The following RTN1 variants were observed in gnomAD, a reference collection of about 807,000 sequenced individuals.
RTN1 encodes reticulon-1.
A neutral mutation model predicts 65.5 loss-of-function variants in RTN1; 25 were observed. The ratio of observed to expected loss-of-function variants is 0.38; its 90% CI spans 0.28 to 0.53. The LOEUF is 0.53. Among genes scored for constraint, RTN1 ranks in the 20% least tolerant of loss-of-function variants. The pLI, the probability that RTN1 is intolerant of heterozygous loss-of-function variation, is 0.79. For missense variants in RTN1, 983 were observed against 1,025.4 expected, an observed-to-expected ratio of 0.96 and a Z score of 0.57; for synonymous variants, 471 against 447.6, an observed-to-expected ratio of 1.05 and a Z score of -0.66.
intron 3 of RTN1, among the ~76,000 whole-genome samples, chr14:59,611,257 GCCC>G (rs35940821): frequency 0.018 from 2,783 of 152,232 alleles, 68 homozygotes; most frequent in African/African-American, 0.054. Context: ...TGGTTCAATG[GCCC>G]CCCTCCAGTG....
In RTN1 at chr14:59,672,978, A is replaced by G. The variant is rs182597534; in HGVS notation, c.1765+53941T>C. Reference sequence around the variant, plus strand: ...TTTGCCTTGACTTCTTTGGTTAACTAGGAAGCTCAAAGTGAAATAATTTAC... The same window carrying G: ...TTTGCCTTGACTTCTTTGGTTAACTGGGAAGCTCAAAGTGAAATAATTTAC... On this transcript the variant is annotated intron_variant, in intron 3 of 8. Coordinates refer to ENST00000267484, the MANE Select transcript of RTN1 (RefSeq NM_021136.3). Among the ~76,000 whole-genome samples the G allele has an allele frequency of 2.3e-3, 350 of 152,304 alleles. 5 individuals are homozygous for G. The highest frequency in any genetic ancestry group is 1.3e-3 in the Non-Finnish European group (90 of 68,018).
At chr14:59,616,791 T>C (rs1882114084) in intron 3 of RTN1, among the ~76,000 whole-genome samples, 1 of 152,258 alleles carries the variant, frequency 6.6e-6, no homozygotes, top group East Asian at 1.9e-4. Flanking sequence ...TCAAATAACT[T>C]TAAAAATTGT....
intron 3 of RTN1, among the ~76,000 whole-genome samples, chr14:59,724,595 T>C (rs1331089493): frequency 6.6e-6 from 1 of 152,060 alleles, no homozygotes; most frequent in East Asian, 1.9e-4. Context: ...CTGGGCGTGG[T>C]GGCTCACGCC....
chr14:59,808,442 C>G (rs1886673892), intron 1 of RTN1, among the ~76,000 whole-genome samples: 1 of 152,202 alleles, frequency 6.6e-6, no homozygotes, highest in South Asian at 2.1e-4. Flanking sequence ...TCTCTTTAAA[C>G]TAGATTCTGA....
chr14:59,637,979 GT>G (rs1447886538), intron 3 of RTN1, among the ~76,000 whole-genome samples: 1 of 151,820 alleles, frequency 6.6e-6, no homozygotes, highest in Non-Finnish European at 1.5e-5. Context: ...AGCCTCCCAA[GT>G]TGCTGGGACT....
chr14:59,658,902 T>C (rs1243445724), intron 3 of RTN1, among the ~76,000 whole-genome samples: 2 of 152,048 alleles, frequency 1.3e-5, no homozygotes, highest in African/African-American at 4.8e-5. Flanking sequence ...TTGACAGAAG[T>C]AGGCTTCAGA....
At chr14:59,773,799 A>G (rs755483815) in intron 1 of RTN1, among the ~76,000 whole-genome samples, 4 of 152,124 alleles carry the variant, frequency 2.6e-5, no homozygotes, top group Admixed American at 6.6e-5. Flanking sequence ...CCTGGTTTCT[A>G]TCATCTCATT....
intron 3 of RTN1, among the ~76,000 whole-genome samples, chr14:59,694,046 A>G (rs1035665700): frequency 9.2e-5 from 14 of 152,202 alleles, no homozygotes; most frequent in African/African-American, 3.1e-4. Context: ...AAGGAGATGT[A>G]TCTGAAAAAA....
chr14:59,720,280 T>C (rs1001369659), intron 3 of RTN1, among the ~76,000 whole-genome samples: 7 of 151,780 alleles, frequency 4.6e-5, no homozygotes, highest in Non-Finnish European at 2.9e-5. Context: ...CGATATGCAA[T>C]TGGAACACTG....
At chr14:59,754,665 A>G (rs1028747154) in intron 1 of RTN1, among the ~76,000 whole-genome samples, 1 of 152,224 alleles carries the variant, frequency 6.6e-6, no homozygotes, top group African/African-American at 2.4e-5. Context: ...AACACACTCA[A>G]TAAATGAGAG....
intron 3 of RTN1, among the ~76,000 whole-genome samples, chr14:59,649,089 T>G (rs1046091398): frequency 6.6e-6 from 1 of 152,082 alleles, no homozygotes; most frequent in Non-Finnish European, 1.5e-5. Context: ...AACAGAGGCC[T>G]CAGAAATAAT....
At chr14:59,784,131 T>C (rs1427223817) in intron 1 of RTN1, among the ~76,000 whole-genome samples, 2 of 152,180 alleles carry the variant, frequency 1.3e-5, no homozygotes, top group Non-Finnish European at 2.9e-5. Flanking sequence ...ATCTTGTCTT[T>C]ATGTTTTAAA....
intron 1 of RTN1, among the ~76,000 whole-genome samples, chr14:59,851,040 G>A (rs377397180): frequency 3.3e-5 from 5 of 152,002 alleles, no homozygotes; most frequent in African/African-American, 1.2e-4. Context: ...GTCATTCATA[G>A]AAAAAACAAA....
intron 3 of RTN1, among the ~76,000 whole-genome samples, chr14:59,668,235 G>A (rs1190318939): frequency 9.2e-5 from 14 of 152,132 alleles, no homozygotes; most frequent in African/African-American, 3.1e-4. Flanking sequence ...AAGACAGCAT[G>A]GTACTGGTAC....
At position 59,726,983 on chromosome 14, in the gene RTN1, T is replaced by A. The variant is rs764438081; in HGVS notation, c.1701A>T (p.Thr567=). ...CAGGACCTAGAGGCCCAGGGCCCTTTGTGGCCGCAGGACTTTGGTTGGAAC... is the reference window on the plus strand; with the variant it reads ...CAGGACCTAGAGGCCCAGGGCCCTTAGTGGCCGCAGGACTTTGGTTGGAAC... ...DSSSNQSPAA[T]KGPGPLGPGA... Residue 567 remains threonine (T), a synonymous_variant, in exon 3 of 9, where the codon ACA becomes ACT. Coordinates refer to ENST00000267484, the MANE Select transcript of RTN1 (RefSeq NM_021136.3). 1.2e-6 allele frequency: 2 copies of A among 1,613,448 alleles called. No homozygotes were observed. Among genetic ancestry groups the A allele is most frequent in the Non-Finnish European group, 8.5e-7 (1 of 1,179,726 alleles).
chr14:59,746,537 C>T, intron 1 of RTN1, 56 bp from the exon 2 acceptor site: 2 of 1,449,282 alleles, frequency 1.4e-6, no homozygotes, highest in Non-Finnish European at 9.3e-7. Context: ...AGCTCTCTCT[C>T]TTGTCTAACC....
At chr14:59,859,919 C>A (rs1052878839) in intron 1 of RTN1, among the ~76,000 whole-genome samples, 1 of 152,170 alleles carries the variant, frequency 6.6e-6, no homozygotes, top group African/African-American at 2.4e-5. Context: ...GCAAAGCATT[C>A]AAGATGTGAC....
chr14:59,611,565 T>C (rs1347982642), intron 3 of RTN1, among the ~76,000 whole-genome samples: 2 of 151,996 alleles, frequency 1.3e-5, no homozygotes, highest in Non-Finnish European at 2.9e-5. Context: ...ATGGGGGGTG[T>C]CTGTAGCCCC....
At chr14:59,850,644 A>G (rs1167742587) in intron 1 of RTN1, among the ~76,000 whole-genome samples, 2 of 152,384 alleles carry the variant, frequency 1.3e-5, no homozygotes, top group South Asian at 2.1e-4. Context: ...AATGGGGGTC[A>G]CTCAATAAAT....
Sources: gnomAD v4.1 joint callset for allele counts (sites outside exome capture counted in the v4.1 genomes callset) on GRCh38, gnomAD v4.1.1 for gene constraint, MANE v1.5 for transcripts, NCBI Gene and HGNC (gene_info 2026-07-23, HGNC 2026-07-21) for gene names.